Variants in CSMD1 observed in about 807,000 individuals in gnomAD.
CSMD1 encodes CUB and sushi domain-containing protein 1.
In CSMD1, 213 loss-of-function variants were observed where a neutral mutation model predicts 417.5. The ratio of observed to expected loss-of-function variants is 0.51; its 90% CI spans 0.46 to 0.57. The LOEUF is 0.57. Among genes scored for constraint, CSMD1 ranks in the 20% least tolerant of loss-of-function variants. The pLI, the probability that CSMD1 is intolerant of heterozygous loss-of-function variation, is 0.00. For missense variants in CSMD1, 6,923 were observed against 4,529.7 expected, an observed-to-expected ratio of 1.53 and a Z score of -15.17; for synonymous variants, 2,862 against 1,736.8, an observed-to-expected ratio of 1.65 and a Z score of -16.11.
chr8:3,395,153 C>A (rs543652578), intron 17 of CSMD1, among the ~76,000 whole-genome samples: 2 of 152,196 alleles, frequency 1.3e-5, no homozygotes, highest in South Asian at 2.1e-4. Flanking sequence ...AGACATGATT[C>A]TATGCATGCA....
chr8:3,363,043 G>A lies in CSMD1; in HGVS notation c.3116-3703C>T, dbSNP rs530348750. On this transcript the variant is annotated intron_variant, in intron 20 of 69. Transcript: ENST00000635120. ...ATCTGCCCTCCATAACTAACTTCAC[G>A]TCCCTCCACTTTCCCCTCGGTTTCA... 9.9e-5 allele frequency among the ~76,000 whole-genome samples: 15 copies of A among 152,250 alleles called. No homozygotes were observed. The South Asian group carries it at 2.3e-3, about 23-fold the overall frequency.
In CSMD1 at chr8:4,361,267, A is replaced by G. The variant is rs890335064; in HGVS notation, c.415+58686T>C. 5.3e-5 allele frequency among the ~76,000 whole-genome samples: 8 copies of G among 152,318 alleles called. No homozygotes were observed. The South Asian group carries it at 6.2e-4, about 12-fold the overall frequency. On this transcript the variant is annotated intron_variant, in intron 3 of 69. Coordinates refer to ENST00000635120, the MANE Select transcript of CSMD1 (RefSeq NM_033225.6). ...GGAAGGAAAAGGCGTAAAAGAAAATATTACTACTTACTCATAAATAATACA... is the reference window on the plus strand; with the variant it reads ...GGAAGGAAAAGGCGTAAAAGAAAATGTTACTACTTACTCATAAATAATACA...
intron 2 of CSMD1, among the ~76,000 whole-genome samples, chr8:4,612,373 T>C (rs538863645): frequency 5.9e-4 from 90 of 152,296 alleles, no homozygotes; most frequent in Admixed American, 7.2e-4. Flanking sequence ...GAGGAATGGT[T>C]TTCCAATCGT....
intron 11 of CSMD1, among the ~76,000 whole-genome samples, chr8:3,474,560 A>G (rs1056677028): frequency 2.6e-5 from 4 of 152,306 alleles, no homozygotes; most frequent in Admixed American, 6.5e-5. Flanking sequence ...AATGTTTAAT[A>G]TTAGGAGTGT....
intron 5 of CSMD1, among the ~76,000 whole-genome samples, chr8:3,915,448 C>T (rs988390805): frequency 3.6e-4 from 53 of 147,092 alleles, no homozygotes; most frequent in Admixed American, 3.2e-3. Flanking sequence ...ATAGTAGGTT[C>T]GGAAGATCAC....
chr8:3,289,122 C>T (rs533064723), intron 25 of CSMD1, among the ~76,000 whole-genome samples: 2 of 147,368 alleles, frequency 1.4e-5, no homozygotes, highest in African/African-American at 2.7e-5. Context: ...TGATGGTTTC[C>T]AGCTTCATCC....
intron 5 of CSMD1, among the ~76,000 whole-genome samples, chr8:3,875,295 G>T (rs1200375881): frequency 6.6e-6 from 1 of 152,132 alleles, no homozygotes; most frequent in African/African-American, 2.4e-5. Flanking sequence ...ACTGCATTAA[G>T]GATCCTAAAC....
At chr8:3,034,213 G>A (rs576327922) in intron 50 of CSMD1, among the ~76,000 whole-genome samples, 44 of 152,318 alleles carry the variant, frequency 2.9e-4, no homozygotes, top group Non-Finnish European at 3.4e-4. Flanking sequence ...TTGGAATGAA[G>A]AAAAAGATTT....
intron 3 of CSMD1, among the ~76,000 whole-genome samples, chr8:4,132,597 A>C (rs140119853): frequency 6.6e-6 from 1 of 152,194 alleles, no homozygotes; most frequent in South Asian, 2.1e-4. Context: ...AATGGCTGAT[A>C]ATTCATTCCA....
At chr8:4,311,326 G>A (rs1342073907) in intron 3 of CSMD1, among the ~76,000 whole-genome samples, 1 of 152,182 alleles carries the variant, frequency 6.6e-6, no homozygotes, top group African/African-American at 2.4e-5. Flanking sequence ...GCCATAAAAA[G>A]GAATGCGATC....
chr8:4,485,985 C>T (rs182521279), intron 2 of CSMD1, among the ~76,000 whole-genome samples: 4 of 151,878 alleles, frequency 2.6e-5, no homozygotes, highest in East Asian at 1.9e-4. Context: ...GGAAGATCTG[C>T]TTGTGAATCC....
At chr8:3,407,496 G>A (rs115923162) in intron 14 of CSMD1, among the ~76,000 whole-genome samples, 2,761 of 151,960 alleles carry the variant, frequency 0.018, 81 homozygotes, top group African/African-American at 0.062. Flanking sequence ...TGGATGAAAT[G>A]ATGGATGGAT....
chr8:3,834,760 G>A (rs921393826), intron 5 of CSMD1, among the ~76,000 whole-genome samples: 3 of 151,792 alleles, frequency 2.0e-5, no homozygotes, highest in African/African-American at 7.3e-5. Context: ...CAAGATGGCG[G>A]AATAGGAAGA....
At chr8:3,568,500 C>T (rs1799812104) in intron 10 of CSMD1, among the ~76,000 whole-genome samples, 1 of 152,080 alleles carries the variant, frequency 6.6e-6, no homozygotes, top group Non-Finnish European at 1.5e-5. Context: ...TTTTAATGAG[C>T]TTTAATAGCA....
chr8:4,042,824 A>T (rs1231016543), intron 3 of CSMD1, among the ~76,000 whole-genome samples: 3 of 139,864 alleles, frequency 2.1e-5, no homozygotes, highest in African/African-American at 5.4e-5. Context: ...TTAAAAAAAA[A>T]AAAAAAAAAA....
chr8:4,822,944 G>A (rs1341674059), intron 1 of CSMD1, among the ~76,000 whole-genome samples: 2 of 151,940 alleles, frequency 1.3e-5, no homozygotes, highest in South Asian at 2.1e-4. Context: ...TAATTTATTC[G>A]GACTTTGCCT....
intron 26 of CSMD1, among the ~76,000 whole-genome samples, chr8:3,236,941 C>A (rs1799188673): frequency 6.6e-6 from 1 of 152,168 alleles, no homozygotes; most frequent in Non-Finnish European, 1.5e-5. Context: ...GAGGCACTTT[C>A]CACAGGCCCA....
chr8:4,143,514 TTGA>T, intron 3 of CSMD1, among the ~76,000 whole-genome samples: 1 of 150,792 alleles, frequency 6.6e-6, no homozygotes, highest in Middle Eastern at 3.2e-3. Flanking sequence ...AAAGAAGAAG[TTGA>T]TATTAAGTTT....
chr8:3,128,915 A>G lies in CSMD1; in HGVS notation c.6242-10328T>C. On this transcript the variant is annotated intron_variant, in intron 41 of 69. Transcript: ENST00000635120. ...TCCAGATCCTCCTATTGCAAGAGACAAAGGGAAAGCAGATCTAAGGGTATC... is the reference window on the plus strand; with the variant it reads ...TCCAGATCCTCCTATTGCAAGAGACGAAGGGAAAGCAGATCTAAGGGTATC... The G allele has an allele frequency of 1.1e-5, 5 of 450,178 alleles. No homozygotes were observed. In the Middle Eastern group the frequency reaches 1.6e-3, roughly 148 times the overall value. The allele number at this position is 450,178 out of a possible 1,614,324, so 27.9% of individuals were successfully genotyped here.
Sources: allele counts gnomAD v4.1 joint callset (sites outside exome capture counted in the v4.1 genomes callset), GRCh38; gene constraint gnomAD v4.1.1; transcripts MANE v1.5; gene names NCBI Gene and HGNC (gene_info 2026-07-23, HGNC 2026-07-21).